Variants in TG observed in about 807,000 individuals in gnomAD.
The protein encoded by TG is thyroglobulin.
A neutral mutation model predicts 324.7 loss-of-function variants in TG; 270 were observed. That is an observed-to-expected ratio of 0.83 (90% CI 0.75 to 0.92). The LOEUF is 0.92. TG is among the 40% of genes least tolerant of loss of function. The probability of loss-of-function intolerance (pLI) is 0.00; values close to 1 mark genes in which losing one functional copy is unlikely to be tolerated. For missense variants in TG, 3,591 were observed against 3,456.4 expected, an observed-to-expected ratio of 1.04 and a Z score of -0.98; for synonymous variants, 1,401 against 1,327.0, an observed-to-expected ratio of 1.06 and a Z score of -1.21.
intron 27 of TG, 66 bp downstream of exon 27, chr8:132,949,009 A>G: frequency 2.7e-6 from 4 of 1,479,270 alleles, no homozygotes; most frequent in Non-Finnish European, 3.7e-6. Flanking sequence ...GCCCTCTGCT[A>G]CTTTCTTATG....
intron 18 of TG, 62 bp from the exon 19 acceptor site, chr8:132,911,315 G>T (rs1287893647): frequency 1.2e-6 from 2 of 1,613,824 alleles, no homozygotes; most frequent in South Asian, 1.1e-5. Flanking sequence ...TCCTGGTGTG[G>T]ACCCAACAAA....
At chr8:132,971,944 T>C (rs1829582131) in intron 33 of TG, 71 bp downstream of exon 33, 2 of 1,100,082 alleles carry the variant, frequency 1.8e-6, no homozygotes, top group African/African-American at 3.1e-5. Context: ...TTCACATCTA[T>C]GCTTTTACAA....
chr8:133,126,670 G>T (rs919394667), intron 45 of TG, among the ~76,000 whole-genome samples: 12 of 152,038 alleles, frequency 7.9e-5, no homozygotes, highest in Admixed American at 1.3e-4. Flanking sequence ...CATTTGGAAA[G>T]CAAATAATTA....
chr8:132,913,417 C>CACAGTAG, intron 20 of TG, 152 bp downstream of exon 20: 1 of 756,220 alleles, frequency 1.3e-6, no homozygotes, highest in Non-Finnish European at 2.3e-6. Flanking sequence ...ATCTACTATG[C>CACAGTAG]ATGGGTGTAT....
At chr8:133,060,034 G>A (rs567473217) in intron 41 of TG, 95 of 1,478,184 alleles carry the variant, frequency 6.4e-5, no homozygotes, top group South Asian at 2.0e-4. Flanking sequence ...ATCCACCACC[G>A]CCCAGTCTTT....
chr8:132,887,976 C>T lies in TG; in HGVS notation c.2177-8C>T, dbSNP rs772586663. The T allele has an allele frequency of 6.2e-7, 1 of 1,611,388 alleles. No individual in the cohort carries two copies. The highest frequency in any genetic ancestry group is 8.5e-7 in the Non-Finnish European group (1 of 1,178,768). The stretch of plus-strand genomic sequence containing the variant: ...AAACTGAAACACCTGCTCATTGTTC[C>T]TCCCCAGGCCCCACGCCCTGTCAAT... On this transcript the variant is annotated splice_region_variant and splice_polypyrimidine_tract_variant and intron_variant, in intron 9 of 47. Coordinates refer to ENST00000220616, the MANE Select transcript of TG (RefSeq NM_003235.5).
chr8:133,014,404 G>T (rs1805031227), intron 37 of TG, among the ~76,000 whole-genome samples: 1 of 152,244 alleles, frequency 6.6e-6, no homozygotes, highest in African/African-American at 2.4e-5. Flanking sequence ...AAGTAAGACT[G>T]CTAAGAGCTG....
At chr8:133,114,524 G>A (rs1467792946) in intron 44 of TG, among the ~76,000 whole-genome samples, 1 of 152,216 alleles carries the variant, frequency 6.6e-6, no homozygotes, top group African/African-American at 2.4e-5. Flanking sequence ...TAAGAAAATA[G>A]CCAGGGCTCC....
At chr8:133,129,241 C>G (rs1851771495) in intron 45 of TG, among the ~76,000 whole-genome samples, 1 of 152,232 alleles carries the variant, frequency 6.6e-6, no homozygotes. Context: ...AACAGGCTCT[C>G]AAATTAAACA....
intron 27 of TG, among the ~76,000 whole-genome samples, chr8:132,958,357 G>GTCTATCTATCTA (rs34949600): frequency 8.6e-5 from 13 of 151,216 alleles, no homozygotes; most frequent in Admixed American, 5.9e-4. Context: ...CTATCTATCT[G>GTCTATCTATCTA]TCTATCTATC....
chr8:133,044,174 A>G (rs545793404), intron 41 of TG, among the ~76,000 whole-genome samples: 1 of 152,318 alleles, frequency 6.6e-6, no homozygotes, highest in African/African-American at 2.4e-5. Context: ...GTTTTTGGAA[A>G]TGTAGCATTT....
chr8:133,072,832 C>T (rs1844272665), intron 41 of TG: 1 of 145,034 alleles, frequency 6.9e-6, no homozygotes, highest in Non-Finnish European at 1.6e-5. Flanking sequence ...TGCAAACCTA[C>T]CCCTGTCTGT....
At position 132,931,862 on chromosome 8, in the gene TG, G is replaced by A. The variant is rs545881258; in HGVS notation, c.4817-1699G>A. Reference sequence around the variant, plus strand: ...TGTAATGCCAGGACTTTGGGAGGCCGAGGCAGGTGGATGGAGACCAGCCTG... The same window carrying A: ...TGTAATGCCAGGACTTTGGGAGGCCAAGGCAGGTGGATGGAGACCAGCCTG... On this transcript the variant is annotated intron_variant, in intron 23 of 47. Coordinates refer to ENST00000220616, the MANE Select transcript of TG (RefSeq NM_003235.5). 9.2e-5 allele frequency among the ~76,000 whole-genome samples: 14 copies of A among 152,214 alleles called. No homozygotes were observed. In the South Asian group the frequency reaches 2.9e-3, roughly 32 times the overall value.
rs61741644 is a variant in TG, at chr8:132,886,736, G to A, written c.1364G>A (p.Arg455His). 7.3e-5 allele frequency: 118 copies of A among 1,614,172 alleles called. No individual in the cohort carries two copies. Among genetic ancestry groups the A allele is most frequent in the South Asian group, 2.3e-4 (21 of 91,082 alleles). ...ATTTTTCCCTCCCGAGGGCTGGCTC[G>A]TCTTGCCCTTCAGTTTACCACCAAC... ...RAIFPSRGLA[R>H]LALQFTTNPK... The change falls in exon 9 of 48, where the codon CGT (arginine) becomes CAT (histidine). Residue 455 changes from arginine to histidine, a missense_variant. Arg to His is a conservative substitution (Grantham distance 29). Coordinates refer to ENST00000220616, the MANE Select transcript of TG (RefSeq NM_003235.5).
intron 34 of TG, among the ~76,000 whole-genome samples, chr8:132,978,993 G>A (rs1830504159): frequency 6.6e-6 from 1 of 152,210 alleles, no homozygotes; most frequent in South Asian, 2.1e-4. Context: ...TGAGCAGAAA[G>A]TTCCATGCAT....
At position 133,133,552 on chromosome 8, in the gene TG, G is replaced by A. The variant is rs768009199; in HGVS notation, c.8080G>A (p.Gly2694Arg). 4 of 1,614,198 alleles carry A rather than the reference G, an allele frequency of 2.5e-6. No homozygotes were observed. Among genetic ancestry groups the A allele is most frequent in the Non-Finnish European group, 3.4e-6 (4 of 1,180,028 alleles). ...GCCTGACTTTGTACCCCGTGCTGGT[G>A]GAGAGAACTACAAGGAGTTCAGTGA... ...PWPDFVPRAG[G>R]ENYKEFSELL... The change falls in exon 47 of 48, where the codon GGA (glycine) becomes AGA (arginine). Residue 2694 changes from glycine to arginine, a missense_variant. Coordinates refer to ENST00000220616, the MANE Select transcript of TG (RefSeq NM_003235.5).
intron 25 of TG, among the ~76,000 whole-genome samples, chr8:132,940,701 C>T (rs886246238): frequency 2.6e-5 from 4 of 152,210 alleles, no homozygotes; most frequent in Non-Finnish European, 5.9e-5. Context: ...AAGACAGCCC[C>T]TGGGTGGGGC....
At chr8:132,958,984 G>A (rs560267839) in intron 27 of TG, among the ~76,000 whole-genome samples, 6 of 152,268 alleles carry the variant, frequency 3.9e-5, no homozygotes, top group Admixed American at 1.3e-4. Context: ...GTTCACTTGC[G>A]CAAATTGTTA....
intron 41 of TG, among the ~76,000 whole-genome samples, chr8:133,079,414 C>T (rs111344852): frequency 1.3e-5 from 2 of 152,190 alleles, no homozygotes; most frequent in Admixed American, 6.5e-5. Flanking sequence ...AAATGTTCCC[C>T]TATGTAAAAA....
Sources: gnomAD v4.1 joint callset for allele counts (sites outside exome capture counted in the v4.1 genomes callset) on GRCh38, gnomAD v4.1.1 for gene constraint, MANE v1.5 for transcripts, NCBI Gene and HGNC (gene_info 2026-07-23, HGNC 2026-07-21) for gene names.